COPG1: variants seen among roughly 807,000 people sequenced by gnomAD.
COPG1 encodes the protein coat protein complex I subunit gamma 1.
In COPG1, 29 loss-of-function variants were observed where a neutral mutation model predicts 102.8. That is an observed-to-expected ratio of 0.28 (90% confidence interval 0.21 to 0.38). The LOEUF is 0.38. COPG1 is among the 10% of genes least tolerant of loss of function. The probability of loss-of-function intolerance (pLI) is 1.00; values close to 1 mark genes in which losing one functional copy is unlikely to be tolerated. For missense variants in COPG1, 875 were observed against 1,132.7 expected (o/e 0.77, Z 3.27); for synonymous variants, 406 against 421.6 (o/e 0.96, Z 0.45).
chr3:129,255,228 G>C (rs1939783851), intron 7 of COPG1, 151 bp downstream of exon 7: 1 of 603,112 alleles, frequency 1.7e-6, no homozygotes, highest in Admixed American at 2.9e-5. Flanking sequence ...ACCCAGGCTA[G>C]AGTGCAGCGC....
Position 129,277,414 on chromosome 3 carries a change from C to T in COPG1, c.2615C>T (p.Ser872Phe), listed in dbSNP as rs775673892. 3 of 1,613,718 alleles carry T rather than the reference C, an allele frequency of 1.9e-6. No homozygotes were observed. The highest frequency in any genetic ancestry group is 2.5e-6 in the Non-Finnish European group (3 of 1,179,904). The change falls in exon 24 of 24, where the codon TCT becomes TTT. Residue 872 changes from serine to phenylalanine, a missense_variant. Ser to Phe is a radical substitution (Grantham distance 155). Coordinates refer to ENST00000314797, the MANE Select transcript of COPG1 (RefSeq NM_016128.4). ...EELPVDIILA[S>F]VG ...CTGCCAGTAGACATCATCTTGGCAT[C>T]TGTGGGATAAGAGGCCAGCCTGCAT... is the stretch of plus-strand genomic sequence containing the variant.
intron 23 of COPG1, 80 bp from the exon 24 acceptor site, chr3:129,277,214 G>A: frequency 6.8e-7 from 1 of 1,479,108 alleles, no homozygotes; most frequent in Non-Finnish European, 9.4e-7. Context: ...GCCTTCATGG[G>A]TTGCTGCAAA....
chr3:129,252,592 C>G (rs1243670524), intron 3 of COPG1, 31 bp from the exon 4 acceptor site: 1 of 1,591,006 alleles, frequency 6.3e-7, no homozygotes, highest in South Asian at 1.1e-5. Flanking sequence ...CCCTCTGTCC[C>G]AAGCTGAGAC....
chr3:129,254,016 A>T (rs559634978), intron 5 of COPG1, among the ~76,000 whole-genome samples: 2 of 150,962 alleles, frequency 1.3e-5, no homozygotes, highest in African/African-American at 4.9e-5. Flanking sequence ...AAAAAAAAAA[A>T]AGCCAGGAGT....
intron 15 of COPG1, 35 bp from the exon 16 acceptor site, chr3:129,267,902 G>A: frequency 2.6e-6 from 4 of 1,561,136 alleles, no homozygotes; most frequent in East Asian, 2.2e-5. Flanking sequence ...TCCCTGCTGG[G>A]TCCCAGTCAG....
chr3:129,257,652 C>A (rs1328559276), intron 9 of COPG1, 25 bp downstream of exon 9: 3 of 1,614,158 alleles, frequency 1.9e-6, no homozygotes, highest in Non-Finnish European at 2.5e-6. Flanking sequence ...CTCTCACCAG[C>A]TAGATGATGC....
rs535117995 is a variant in COPG1, at chr3:129,271,482, G to T, written c.1844-285G>T. ...TATAGCTGGGGGATTCTCCAATTAG[G>T]TCTAGGATTTTGTGGTCTCATATCA... is the stretch of plus-strand genomic sequence containing the variant. On this transcript the variant is annotated intron_variant, in intron 18 of 23. Coordinates refer to ENST00000314797, the MANE Select transcript of COPG1 (RefSeq NM_016128.4). The surrounding 1 kb of genome is among the most constrained non-coding windows in gnomAD (Gnocchi z 4.7). Among the ~76,000 whole-genome samples, 1 of 152,124 alleles carries T rather than the reference G, an allele frequency of 6.6e-6. No homozygotes were observed. Among genetic ancestry groups the T allele is most frequent in the Non-Finnish European group, 1.5e-5 (1 of 68,034 alleles).
rs961561483 is a variant in COPG1 at position 129,253,121 on chromosome 3, G to T, written c.323+166G>T. On this transcript the variant is annotated intron_variant, in intron 5 of 23. Coordinates refer to ENST00000314797, the MANE Select transcript of COPG1 (RefSeq NM_016128.4). ...CCCCATGGCAGCCTCCAGGTGTGCT[G>T]TTTCTATTTTAATTCTCTGACCTTG... 5.3e-6 allele frequency: 3 copies of T among 570,030 alleles called. No individual in the cohort carries two copies. In the African/African-American group the frequency reaches 5.7e-5, roughly 11 times the overall value. 35.3% of individuals were successfully genotyped at this position (570,030 alleles called of 1,614,324 possible).
intron 13 of COPG1, 105 bp downstream of exon 13, chr3:129,264,104 T>A: frequency 1.1e-6 from 1 of 942,076 alleles, no homozygotes; most frequent in Non-Finnish European, 1.7e-6. Context: ...GTTAGCCTGT[T>A]AACCAACTGG....
At chr3:129,269,131 A>T in intron 18 of COPG1, 131 bp downstream of exon 18, 1 of 750,360 alleles carries the variant, frequency 1.3e-6, no homozygotes, top group Non-Finnish European at 2.3e-6. Flanking sequence ...CTACTATCAC[A>T]TTTGACCCTC....
At chr3:129,255,452 C>CAA (rs1396562767) in intron 7 of COPG1, among the ~76,000 whole-genome samples, 2 of 150,070 alleles carry the variant, frequency 1.3e-5, no homozygotes, top group Non-Finnish European at 1.5e-5. Context: ...GCTGGGATTG[C>CAA]AGGCGTGAGC....
At chr3:129,264,451 G>C (rs1317551029) in intron 13 of COPG1, among the ~76,000 whole-genome samples, 1 of 152,180 alleles carries the variant, frequency 6.6e-6, no homozygotes, top group Non-Finnish European at 1.5e-5. Context: ...ATTCTTAGGA[G>C]CAATAGCAGA....
In COPG1 at chr3:129,267,024, G is replaced by A; in HGVS notation, c.1469G>A (p.Gly490Asp). Residue 490 changes from glycine (G) to aspartate (D), a missense_variant and splice_region_variant, in exon 15 of 24, where the codon GGT becomes GAT. Coordinates refer to ENST00000314797, the MANE Select transcript of COPG1 (RefSeq NM_016128.4). Reference sequence around the variant, plus strand: ...AATCACATTCGCTTCCTAAACACAGGTGCTGTGAGTGCTCTGGCGAAGTTT... The same window carrying A: ...AATCACATTCGCTTCCTAAACACAGATGCTGTGAGTGCTCTGGCGAAGTTT... ...VVLEHEEVRA[G>D]AVSALAKFGA... The A allele has an allele frequency of 3.7e-6, 6 of 1,613,408 alleles. No homozygotes were observed. Among genetic ancestry groups the A allele is most frequent in the Non-Finnish European group, 5.1e-6 (6 of 1,179,556 alleles).
chr3:129,266,905 CT>C, intron 14 of COPG1, 118 bp from the exon 15 acceptor site: 1 of 836,254 alleles, frequency 1.2e-6, no homozygotes, highest in Non-Finnish European at 2.0e-6. Flanking sequence ...GGCCTCCTGG[CT>C]TGAGACTTCT....
chr3:129,252,175 C>T, intron 2 of COPG1, 106 bp from the exon 3 acceptor site: 1 of 758,794 alleles, frequency 1.3e-6, no homozygotes, highest in Non-Finnish European at 2.3e-6. Context: ...ACCCAGAAAG[C>T]CCTGTTTAGA....
chr3:129,267,427 C>A (rs772634215), intron 15 of COPG1, among the ~76,000 whole-genome samples: 2 of 152,182 alleles, frequency 1.3e-5, no homozygotes, highest in Non-Finnish European at 2.9e-5. Context: ...TGAGACCGTC[C>A]TGGCTAACAC....
intron 7 of COPG1, among the ~76,000 whole-genome samples, chr3:129,255,791 A>G (rs1172745469): frequency 1.3e-5 from 2 of 152,176 alleles, no homozygotes; most frequent in Non-Finnish European, 2.9e-5. Flanking sequence ...GCCAAAATAA[A>G]GTATTTCTGT....
chr3:129,254,815 TG>T, intron 6 of COPG1, 72 bp downstream of exon 6: 1 of 1,430,662 alleles, frequency 7.0e-7, no homozygotes. Flanking sequence ...TTGCATTCTT[TG>T]GGGTGTCCCC....
In COPG1 at chr3:129,275,215, A is replaced by C; in HGVS notation, c.2417A>C (p.Lys806Thr). The C allele has an allele frequency of 3.1e-6, 5 of 1,614,212 alleles. No homozygotes were observed. The highest frequency in any genetic ancestry group is 4.2e-6 in the Non-Finnish European group (5 of 1,180,016). The part of the protein sequence containing the change: ...TLEEAVGNIV[K>T]FLGMHPCERS... ...ACAGAGGCTGTGGGTAATATTGTGAAGTTCTTGGGAATGCACCCTTGTGAG... is the reference window on the plus strand; with the variant it reads ...ACAGAGGCTGTGGGTAATATTGTGACGTTCTTGGGAATGCACCCTTGTGAG... Residue 806 changes from lysine to threonine, a missense_variant, in exon 23 of 24, where the codon AAG becomes ACG. Coordinates refer to ENST00000314797, the MANE Select transcript of COPG1 (RefSeq NM_016128.4). This position sits in a 1 kb window ranked among gnomAD's most constrained non-coding sequence, Gnocchi z 5.0.
Sources: allele counts gnomAD v4.1 joint callset (sites outside exome capture counted in the v4.1 genomes callset), GRCh38; gene constraint gnomAD v4.1.1; non-coding constraint Gnocchi (gnomAD v3.1); transcripts MANE v1.5; gene names NCBI Gene and HGNC (gene_info 2026-07-23, HGNC 2026-07-21).